Variants in ABCA10 observed in about 807,000 individuals in gnomAD.
ABCA10 encodes ATP binding cassette subfamily A member 10, also known as ATP-binding cassette sub-family A member 10.
ABCA10 carries 169 observed loss-of-function variants against 187.5 expected under a neutral mutation model. The observed-to-expected ratio is 0.90, with a 90% confidence interval of 0.80 to 1.02. The LOEUF (loss-of-function observed/expected upper bound fraction) is 1.02, where lower values mean the gene tolerates loss of function less well. Ranked by LOEUF, ABCA10 falls within the 50% of genes least tolerant of loss-of-function variation. ABCA10 has a pLI of 0.00. For missense variants in ABCA10, 1,727 were observed against 1,812.4 expected, an observed-to-expected ratio of 0.95 and a Z score of 0.86; for synonymous variants, 574 against 601.8, an observed-to-expected ratio of 0.95 and a Z score of 0.68.
chr17:69,233,068 T>C (rs565514424), upstream of ABCA10: 3 of 152,224 alleles, frequency 2.0e-5, no homozygotes, highest in East Asian at 3.9e-4. Context: ...TCTGATTGAT[T>C]AGCTGTGATC....
Position 69,174,386 on chromosome 17 carries a change from G to A in ABCA10, c.3057C>T (p.Cys1019=). ...TAAGAGAAACTGCACAACCAATTAT[G>A]CATACCACCTGCAAATAATGAGGAT... ...SWELMFVLVV[C]IIGCAVSLIF... The change falls in exon 25 of 39, where the codon TGC becomes TGT. Residue 1019 remains cysteine (C), a synonymous_variant. Coordinates refer to ENST00000690296, the MANE Select transcript of ABCA10 (RefSeq NM_001377321.1). 6.3e-7 allele frequency: 1 copy of A among 1,588,902 alleles called. No individual in the cohort carries two copies. The highest frequency in any genetic ancestry group is 8.5e-7 in the Non-Finnish European group (1 of 1,169,862).
chr17:69,208,156 G>A (rs2074605545), intron 9 of ABCA10, among the ~76,000 whole-genome samples: 1 of 151,892 alleles, frequency 6.6e-6, no homozygotes, highest in Admixed American at 6.6e-5. Flanking sequence ...GGTGGCTCAC[G>A]CCTGTAATCC....
Position 69,155,788 on chromosome 17 carries a change from T to C in ABCA10, c.3576+17A>G, listed in dbSNP as rs1245344871. 1.2e-6 allele frequency: 2 copies of C among 1,612,566 alleles called. No individual in the cohort carries two copies. Among genetic ancestry groups the C allele is most frequent in the Admixed American group, 1.7e-5 (1 of 59,840 alleles). ...CTATCTGAGCATTTTATTAAGGGTC[T>C]AATCCCTGCTGTTCACCTCCTCCAA... is the stretch of plus-strand genomic sequence containing the variant. On this transcript the variant is annotated intron_variant, in intron 29 of 38. Coordinates refer to ENST00000690296, the MANE Select transcript of ABCA10 (RefSeq NM_001377321.1).
Position 69,203,471 on chromosome 17 carries a change from C to CA in ABCA10, c.1007-1804dup, listed in dbSNP as rs567597106. 4.7e-4 allele frequency among the ~76,000 whole-genome samples: 71 copies of CA among 152,332 alleles called. 1 individual carries two copies. The East Asian group carries it at 6.7e-3, about 14-fold the overall frequency. ...AAGCCGGAAACCAGTGAGCCATCCT[C>CA]ATCTCTTTTCCCTCTCACTTCCCCC... is the stretch of plus-strand genomic sequence containing the variant. On this transcript the variant is annotated intron_variant, in intron 9 of 38. Coordinates refer to ENST00000690296, the MANE Select transcript of ABCA10 (RefSeq NM_001377321.1).
intron 1 of ABCA10, among the ~76,000 whole-genome samples, chr17:69,239,343 GAGAA>G (rs1222564865): frequency 1.3e-5 from 2 of 152,122 alleles, no homozygotes; most frequent in Non-Finnish European, 2.9e-5. Flanking sequence ...CAGGTCGTTG[GAGAA>G]AGAAACATGT....
At chr17:69,219,796 A>G in intron 5 of ABCA10, 25 bp from the exon 6 acceptor site, 1 of 1,469,708 alleles carries the variant, frequency 6.8e-7, no homozygotes, top group Non-Finnish European at 9.2e-7. Context: ...TAGCAAATTT[A>G]TTATGTGAAC....
intron 22 of ABCA10, among the ~76,000 whole-genome samples, chr17:69,177,973 A>ATATATATATATATATATATGTTATAT (rs68149070): frequency 6.0e-5 from 3 of 50,000 alleles, no homozygotes; most frequent in South Asian, 1.6e-3. Flanking sequence ...AAAAAAAAAA[A>ATATATATATATATATATATGTTATAT]ATATATATAT....
At chr17:69,170,307 C>T (rs1002005564) in intron 25 of ABCA10, among the ~76,000 whole-genome samples, 2 of 150,330 alleles carry the variant, frequency 1.3e-5, no homozygotes, top group Admixed American at 6.6e-5. Context: ...AAAAAAATTA[C>T]GTTACATTTT....
At chr17:69,214,514 C>CAAAAA (rs11347438) in intron 9 of ABCA10, among the ~76,000 whole-genome samples, 190 bp downstream of exon 9, 1 of 136,584 alleles carries the variant, frequency 7.3e-6, no homozygotes, top group African/African-American at 2.7e-5. Flanking sequence ...GACTCCGTCT[C>CAAAAA]AAAAAAAAAA....
intron 22 of ABCA10, among the ~76,000 whole-genome samples, chr17:69,181,368 T>C (rs1460343581): frequency 6.6e-6 from 1 of 152,118 alleles, no homozygotes; most frequent in Non-Finnish European, 1.5e-5. Context: ...AAGTCAAAAT[T>C]ATGAGTTTTC....
chr17:69,175,419 A>T lies in ABCA10; in HGVS notation c.2864T>A (p.Ile955Asn). ...CVSPFIGMSS[I>N]SDYKKNVQSQ... ...TCTCCCTCTTACTTTATAATCGCTGATGCTGCTCATGCCGATAAAAGGAGA... is the reference window on the plus strand; with the variant it reads ...TCTCCCTCTTACTTTATAATCGCTGTTGCTGCTCATGCCGATAAAAGGAGA... Residue 955 changes from isoleucine (I) to asparagine (N), a missense_variant, in exon 23 of 39, where the codon ATC (isoleucine) becomes AAC (asparagine). Ile to Asn is a moderately radical substitution (Grantham distance 149). Coordinates refer to ENST00000690296, the MANE Select transcript of ABCA10 (RefSeq NM_001377321.1). 6.2e-7 allele frequency: 1 copy of T among 1,610,322 alleles called. No individual in the cohort carries two copies. Among genetic ancestry groups the T allele is most frequent in the East Asian group, 2.2e-5 (1 of 44,788 alleles).
rs1316823760 is a variant in ABCA10, at chr17:69,182,813, CAT to C, written c.2498-7_2498-6del. The C allele has an allele frequency of 7.6e-6, 12 of 1,574,458 alleles. No individual in the cohort carries two copies. The African/African-American group carries it at 1.4e-4, about 18-fold the overall frequency. ...CGAGGTCTTCAATATTTGATCCTAA[CAT>C]AGTGGAAGGAAGGCAACAAGAAAAA... On this transcript the variant is annotated splice_polypyrimidine_tract_variant and splice_region_variant and intron_variant, in intron 20 of 38. Transcript: ENST00000690296.
chr17:69,204,757 G>A (rs553194935), intron 9 of ABCA10, among the ~76,000 whole-genome samples: 21 of 152,266 alleles, frequency 1.4e-4, no homozygotes, highest in Admixed American at 2.6e-4. Context: ...GCTTGTTTTG[G>A]TTCAGTAAAA....
Position 69,216,041 on chromosome 17 carries a change from A to G in ABCA10, c.673-41T>C, listed in dbSNP as rs780203317. The G allele has an allele frequency of 1.1e-5, 17 of 1,579,558 alleles. No homozygotes were observed. In the East Asian group the frequency reaches 3.4e-4, roughly 31 times the overall value. Reference sequence around the variant, plus strand: ...GGTCTGATTGGTATATTTTTCCTTGAAGATTCATAAATAGCAATATTCATC... The same window carrying G: ...GGTCTGATTGGTATATTTTTCCTTGGAGATTCATAAATAGCAATATTCATC... On this transcript the variant is annotated intron_variant, in intron 7 of 38. Transcript: ENST00000690296.
intron 22 of ABCA10, chr17:69,175,776 C>A (rs888865403): frequency 4.0e-6 from 1 of 252,360 alleles, no homozygotes; most frequent in Non-Finnish European, 7.6e-6. Flanking sequence ...TTCCAAGACT[C>A]CAAGTGGATG....
chr17:69,174,150 T>A (rs1188381648), intron 25 of ABCA10, 131 bp downstream of exon 25: 5 of 563,002 alleles, frequency 8.9e-6, no homozygotes, highest in Non-Finnish European at 1.2e-5. Flanking sequence ...ACAACAATAA[T>A]GAAAGTACAA....
At chr17:69,150,184 T>C in intron 36 of ABCA10, 121 bp from the exon 37 acceptor site, 1 of 665,688 alleles carries the variant, frequency 1.5e-6, no homozygotes, top group Non-Finnish European at 2.5e-6. Flanking sequence ...TGATTTGATA[T>C]AGCATGAATC....
chr17:69,168,865 T>A (rs2074274206), intron 25 of ABCA10, among the ~76,000 whole-genome samples: 1 of 152,202 alleles, frequency 6.6e-6, no homozygotes, highest in Non-Finnish European at 1.5e-5. Context: ...TGTGACTTGA[T>A]CCTCCTTGCC....
intron 20 of ABCA10, among the ~76,000 whole-genome samples, chr17:69,184,676 C>T (rs1347730524): frequency 3.3e-5 from 5 of 151,854 alleles, no homozygotes; most frequent in African/African-American, 7.3e-5. Flanking sequence ...GTAAGTCTAC[C>T]GATTGATCCA....
Sources: gnomAD v4.1 joint callset for allele counts (sites outside exome capture counted in the v4.1 genomes callset) on GRCh38, gnomAD v4.1.1 for gene constraint, MANE v1.5 for transcripts, NCBI Gene and HGNC (gene_info 2026-07-23, HGNC 2026-07-21) for gene names.